The following GMDS variants were observed in gnomAD, a reference collection of about 807,000 sequenced individuals.
GMDS encodes GDP-mannose 4,6-dehydratase.
A neutral mutation model predicts 49.9 loss-of-function variants in GMDS; 20 were observed. That is an observed-to-expected ratio of 0.40 (90% CI 0.28 to 0.58). The LOEUF (loss-of-function observed/expected upper bound fraction) is 0.58. Ranked by LOEUF, GMDS falls within the 20% of genes least tolerant of loss-of-function variation. The pLI is 0.42. For synonymous variants in GMDS, 177 were observed against 178.6 expected (o/e 0.99, Z 0.07); for missense variants, 362 against 481.4 (o/e 0.75, Z 2.32).
At chr6:1,686,559 A>T (rs1764982102) in intron 9 of GMDS, among the ~76,000 whole-genome samples, 1 of 152,230 alleles carries the variant, frequency 6.6e-6, no homozygotes, top group Non-Finnish European at 1.5e-5. Flanking sequence ...TTGTCTTTGT[A>T]TAACCATTTA....
intron 1 of GMDS, among the ~76,000 whole-genome samples, chr6:2,193,770 C>A (rs1468034458): frequency 2.3e-5 from 3 of 132,688 alleles, no homozygotes; most frequent in Admixed American, 8.5e-5. Context: ...TGTTGCCAGG[C>A]TGGAGTGCAG....
At chr6:1,971,505 T>C (rs567377515) in intron 4 of GMDS, among the ~76,000 whole-genome samples, 16 of 152,326 alleles carry the variant, frequency 1.1e-4, no homozygotes, top group African/African-American at 3.8e-4. Flanking sequence ...TTGTTTGCCT[T>C]TGTATGCTCA....
intron 9 of GMDS, among the ~76,000 whole-genome samples, chr6:1,657,864 AAAAAAG>A (rs1206862586): frequency 1.1e-4 from 16 of 147,148 alleles, no homozygotes; most frequent in Middle Eastern, 3.5e-3. Flanking sequence ...AAAAAAAAAA[AAAAAAG>A]AAAAAGAAAA....
At chr6:2,239,013 G>C (rs1441131371) in intron 1 of GMDS, among the ~76,000 whole-genome samples, 1 of 151,964 alleles carries the variant, frequency 6.6e-6, no homozygotes, top group Non-Finnish European at 1.5e-5. Context: ...AAAATTAATA[G>C]TTCATTGGTT....
intron 9 of GMDS, among the ~76,000 whole-genome samples, chr6:1,645,943 C>CT (rs1328790560): frequency 6.6e-6 from 1 of 152,242 alleles, no homozygotes; most frequent in Admixed American, 6.5e-5. Flanking sequence ...AACATCAGTG[C>CT]TGAGTGCACT....
At chr6:1,973,637 TAC>T (rs1764736756) in intron 4 of GMDS, among the ~76,000 whole-genome samples, 2 of 152,150 alleles carry the variant, frequency 1.3e-5, no homozygotes, top group African/African-American at 4.8e-5. Flanking sequence ...GTAAACAACA[TAC>T]AGTCTTCATT....
intron 9 of GMDS, among the ~76,000 whole-genome samples, chr6:1,634,515 C>T (rs1163206637): frequency 1.3e-5 from 2 of 152,172 alleles, no homozygotes; most frequent in African/African-American, 4.8e-5. Flanking sequence ...TTTTCTCTGT[C>T]TCTCTCTGGG....
intron 7 of GMDS, among the ~76,000 whole-genome samples, chr6:1,871,168 G>C (rs1452198733): frequency 6.6e-6 from 1 of 152,034 alleles, no homozygotes; most frequent in Non-Finnish European, 1.5e-5. Context: ...GGCCAGAAAG[G>C]GGAGGGGAGA....
At chr6:2,237,953 T>C (rs891270641) in intron 1 of GMDS, among the ~76,000 whole-genome samples, 2 of 152,120 alleles carry the variant, frequency 1.3e-5, no homozygotes, top group African/African-American at 4.8e-5. Flanking sequence ...AAGTGTTAAT[T>C]TTCATGCCTT....
chr6:2,030,783 C>A (rs143944873), intron 4 of GMDS, among the ~76,000 whole-genome samples: 178 of 152,200 alleles, frequency 1.2e-3, no homozygotes, highest in Admixed American at 4.4e-3. Context: ...AAGTGGTTCG[C>A]TAAATTGTAG....
Position 2,099,843 on chromosome 6 carries a change from T to A in GMDS, c.345+15928A>T, listed in dbSNP as rs73716942. Among the ~76,000 whole-genome samples the A allele has an allele frequency of 4.3e-3, 661 of 152,236 alleles. 10 individuals carry two copies. Among genetic ancestry groups the A allele is most frequent in the African/African-American group, 0.015 (639 of 41,566 alleles). On this transcript the variant is annotated intron_variant, in intron 4 of 10. Coordinates refer to ENST00000380815, the MANE Select transcript of GMDS (RefSeq NM_001500.4). ...TGACAATTGTTTCTCCCAAAAAGTA[T>A]GATTTTTAAAAGAAACTGAACTTTT...
chr6:1,806,716 C>T (rs1770193635), intron 7 of GMDS, among the ~76,000 whole-genome samples: 1 of 152,188 alleles, frequency 6.6e-6, no homozygotes, highest in Non-Finnish European at 1.5e-5. Flanking sequence ...GATATTTTCA[C>T]ATACTGATAC....
chr6:1,988,641 T>C (rs1205267978), intron 4 of GMDS, among the ~76,000 whole-genome samples: 1 of 152,184 alleles, frequency 6.6e-6, no homozygotes, highest in Non-Finnish European at 1.5e-5. Context: ...CAAGAAAGAA[T>C]TATTTTGAAC....
At chr6:1,915,803 A>G (rs1761356948) in intron 7 of GMDS, among the ~76,000 whole-genome samples, 1 of 152,230 alleles carries the variant, frequency 6.6e-6, no homozygotes, top group African/African-American at 2.4e-5. Flanking sequence ...TGTGAAAGTA[A>G]GCTTGTAAAA....
intron 8 of GMDS, among the ~76,000 whole-genome samples, chr6:1,735,850 CTTA>C (rs1766985575): frequency 6.6e-6 from 1 of 152,174 alleles, no homozygotes; most frequent in South Asian, 2.1e-4. Flanking sequence ...ATAATGTGTT[CTTA>C]TTAATTGACA....
intron 7 of GMDS, among the ~76,000 whole-genome samples, chr6:1,859,113 G>A (rs3800103): frequency 0.5 from 75,702 of 152,058 alleles, 21,694 homozygotes; most frequent in Non-Finnish European, 0.63. Flanking sequence ...CCTGGCAGTA[G>A]CTGATTGACT....
At chr6:1,809,488 A>G (rs1365745717) in intron 7 of GMDS, among the ~76,000 whole-genome samples, 1 of 152,254 alleles carries the variant, frequency 6.6e-6, no homozygotes, top group Non-Finnish European at 1.5e-5. Flanking sequence ...CTGGTCATAA[A>G]TAACAAAATA....
chr6:1,942,895 T>A (rs963251851), intron 6 of GMDS, among the ~76,000 whole-genome samples: 1 of 152,226 alleles, frequency 6.6e-6, no homozygotes, highest in Admixed American at 6.5e-5. Context: ...AATAATTCCA[T>A]CTGGCCCAGG....
intron 4 of GMDS, among the ~76,000 whole-genome samples, chr6:2,035,192 C>T (rs965024353): frequency 6.6e-6 from 1 of 152,210 alleles, no homozygotes; most frequent in African/African-American, 2.4e-5. Flanking sequence ...AGCCAGGCTA[C>T]ACCATGTGGA....
Sources: gnomAD v4.1 joint callset for allele counts (sites outside exome capture counted in the v4.1 genomes callset) on GRCh38, gnomAD v4.1.1 for gene constraint, MANE v1.5 for transcripts, NCBI Gene and HGNC (gene_info 2026-07-23, HGNC 2026-07-21) for gene names.